KIF26B: variants seen among roughly 807,000 people sequenced by gnomAD.
The protein encoded by KIF26B is kinesin-like protein KIF26B.
KIF26B carries 63 observed loss-of-function variants against 151.2 expected under a neutral mutation model. That is an observed-to-expected ratio of 0.42 (90% CI 0.34 to 0.51). The LOEUF (loss-of-function observed/expected upper bound fraction) is 0.51, where lower values mean the gene tolerates loss of function less well. Ranked by LOEUF, KIF26B falls within the 20% of genes least tolerant of loss-of-function variation. KIF26B has a pLI of 0.07. For synonymous variants in KIF26B, 1,357 were observed against 1,262.1 expected, an observed-to-expected ratio of 1.08 and a Z score of -1.59; for missense variants, 2,813 against 2,913.6, an observed-to-expected ratio of 0.97 and a Z score of 0.79.
intron 10 of KIF26B, among the ~76,000 whole-genome samples, chr1:245,658,656 T>C (rs2044100746): frequency 2.0e-5 from 3 of 152,160 alleles, no homozygotes; most frequent in African/African-American, 7.2e-5. Context: ...CCTCCCAAAG[T>C]GCTGGGATTA....
At chr1:245,246,252 C>T (rs1234501453) in intron 2 of KIF26B, among the ~76,000 whole-genome samples, 3 of 152,336 alleles carry the variant, frequency 2.0e-5, no homozygotes, top group Non-Finnish European at 2.9e-5. Context: ...AAAAGAACCC[C>T]TTTCAGAAAG....
chr1:245,321,826 T>C (rs1671892060), intron 2 of KIF26B, among the ~76,000 whole-genome samples: 2 of 152,190 alleles, frequency 1.3e-5, no homozygotes, highest in Non-Finnish European at 1.5e-5. Context: ...CTGACTATTG[T>C]AGCCAAGGTG....
intron 9 of KIF26B, chr1:245,615,136 GTC>G (rs1402682730): frequency 1.3e-5 from 2 of 152,172 alleles, no homozygotes; most frequent in East Asian, 3.9e-4. Flanking sequence ...CAATGTAAGA[GTC>G]TGACAAATGT....
At chr1:245,250,040 A>G (rs1670413327) in intron 2 of KIF26B, among the ~76,000 whole-genome samples, 1 of 152,214 alleles carries the variant, frequency 6.6e-6, no homozygotes, top group Admixed American at 6.5e-5. Flanking sequence ...ATCTATAGGA[A>G]ATAATATAAC....
intron 10 of KIF26B, among the ~76,000 whole-genome samples, chr1:245,668,331 G>C (rs575345944): frequency 6.6e-6 from 1 of 152,140 alleles, no homozygotes; most frequent in Admixed American, 6.5e-5. Flanking sequence ...CTTATCAAAC[G>C]TACCAACTTA....
At chr1:245,164,390 A>G (rs4658712) in intron 2 of KIF26B, among the ~76,000 whole-genome samples, 10 of 152,268 alleles carry the variant, frequency 6.6e-5, no homozygotes, top group African/African-American at 2.2e-4. Flanking sequence ...TCATATGCCA[A>G]TGAACATTTT....
At chr1:245,498,247 G>A (rs568609004) in intron 4 of KIF26B, among the ~76,000 whole-genome samples, 2 of 152,252 alleles carry the variant, frequency 1.3e-5, no homozygotes, top group South Asian at 4.2e-4. Context: ...TTGCTTTAGT[G>A]TGGTCAGAGA....
At chr1:245,306,444 T>C (rs1159089449) in intron 2 of KIF26B, among the ~76,000 whole-genome samples, 1 of 152,250 alleles carries the variant, frequency 6.6e-6, no homozygotes, top group African/African-American at 2.4e-5. Context: ...CTAAATTCGA[T>C]GATGGTTGCA....
rs1003557810 is a variant in KIF26B, at chr1:245,619,562, C to T, written c.2098+7586C>T. 4.8e-5 allele frequency among the ~76,000 whole-genome samples: 7 copies of T among 145,614 alleles called. 1 individual carries two copies. The highest frequency in any genetic ancestry group is 2.1e-4 in the Admixed American group (3 of 14,010). ...ACAGGGTTGCAGTGAGCCGAGATGG[C>T]GCCACTGCACTCCAGCCTGGGCAAT... is the stretch of plus-strand genomic sequence containing the variant. On this transcript the variant is annotated intron_variant, in intron 9 of 14. Coordinates refer to ENST00000407071, the MANE Select transcript of KIF26B (RefSeq NM_018012.4).
intron 2 of KIF26B, among the ~76,000 whole-genome samples, chr1:245,281,762 C>A (rs201801577): frequency 1.1e-4 from 16 of 149,124 alleles, no homozygotes; most frequent in Admixed American, 2.7e-4. Context: ...GTCTTTAATC[C>A]ATCTTGAATT....
Position 245,574,268 on chromosome 1 carries a change from C to T in KIF26B, c.1351-28309C>T, listed in dbSNP as rs559525854. Among the ~76,000 whole-genome samples the T allele has an allele frequency of 1.8e-3, 280 of 152,224 alleles. 2 individuals are homozygous for T. Among genetic ancestry groups the T allele is most frequent in the Non-Finnish European group, 2.8e-3 (189 of 67,992 alleles). On this transcript the variant is annotated intron_variant, in intron 5 of 14. Coordinates refer to ENST00000407071, the MANE Select transcript of KIF26B (RefSeq NM_018012.4). ...AAGCGATTCTTGAGCCTCAGCCTCCCGAGTAGCTGGGATTACAGGCATGTG... is the reference window on the plus strand; with the variant it reads ...AAGCGATTCTTGAGCCTCAGCCTCCTGAGTAGCTGGGATTACAGGCATGTG...
rs1022849558 is a variant in KIF26B, at chr1:245,703,913, T to TA, written c.*1307_*1308insA. 2.0e-5 allele frequency: 3 copies of TA among 152,146 alleles called. No individual in the cohort carries two copies. The highest frequency in any genetic ancestry group is 7.2e-5 in the African/African-American group (3 of 41,444). 9.4% of individuals were successfully genotyped at this position (152,146 alleles called of 1,614,324 possible). A position where few individuals can be genotyped will look rare whatever the true frequency, so the allele number is the denominator to read the frequency against. On this transcript the variant is annotated 3_prime_UTR_variant, in exon 15 of 15. Transcript: ENST00000407071. ...GCCCAAAGGCAGAGAGAGCTTCCCCTCCATAACTCACACGACCCTGGATAG... is the reference window on the plus strand; with the variant it reads ...GCCCAAAGGCAGAGAGAGCTTCCCCTACCATAACTCACACGACCCTGGATAG...
At chr1:245,403,267 C>T (rs1334802329) in intron 3 of KIF26B, among the ~76,000 whole-genome samples, 2 of 152,164 alleles carry the variant, frequency 1.3e-5, no homozygotes, top group Non-Finnish European at 2.9e-5. Flanking sequence ...ACCACCCTGC[C>T]GAGCTTGACT....
intron 5 of KIF26B, among the ~76,000 whole-genome samples, chr1:245,582,370 A>G (rs1194297153): frequency 6.6e-6 from 1 of 152,226 alleles, no homozygotes; most frequent in African/African-American, 2.4e-5. Flanking sequence ...CCCTGAATAC[A>G]AATTTGCACA....
chr1:245,412,383 G>A (rs1044569207), intron 3 of KIF26B, among the ~76,000 whole-genome samples: 2 of 152,192 alleles, frequency 1.3e-5, no homozygotes, highest in Admixed American at 6.5e-5. Flanking sequence ...TGAGTAGGAA[G>A]CAATTGCTCT....
chr1:245,550,595 G>A (rs1661857507), intron 5 of KIF26B, among the ~76,000 whole-genome samples: 1 of 152,238 alleles, frequency 6.6e-6, no homozygotes, highest in Non-Finnish European at 1.5e-5. Flanking sequence ...GGCCAGCCTG[G>A]GGCAAAAGGC....
chr1:245,647,441 AAAG>A (rs1407429698), intron 10 of KIF26B, among the ~76,000 whole-genome samples: 4 of 149,746 alleles, frequency 2.7e-5, no homozygotes, highest in Non-Finnish European at 4.4e-5. Context: ...AAAAAAAAAA[AAAG>A]AAAAAAAAGA....
At chr1:245,674,734 G>T (rs1016328026) in intron 10 of KIF26B, among the ~76,000 whole-genome samples, 1 of 152,116 alleles carries the variant, frequency 6.6e-6, no homozygotes, top group Non-Finnish European at 1.5e-5. Flanking sequence ...TGTACATATT[G>T]GCTGAGTTAC....
chr1:245,577,413 G>A (rs560882335), intron 5 of KIF26B, among the ~76,000 whole-genome samples: 4 of 152,198 alleles, frequency 2.6e-5, no homozygotes, highest in Non-Finnish European at 5.9e-5. Flanking sequence ...ACAGAATTAA[G>A]CTCTCAACCC....
Sources: gnomAD v4.1 joint callset for allele counts (sites outside exome capture counted in the v4.1 genomes callset) on GRCh38, gnomAD v4.1.1 for gene constraint, MANE v1.5 for transcripts, NCBI Gene and HGNC (gene_info 2026-07-23, HGNC 2026-07-21) for gene names.